The following COL24A1 variants were observed in gnomAD, a reference collection of about 807,000 sequenced individuals.
The protein encoded by COL24A1 is collagen type XXIV alpha 1 chain.
Under a neutral mutation model 253.9 loss-of-function variants are expected in COL24A1, and 224 were observed. The observed-to-expected ratio is 0.88, with a 90% confidence interval of 0.79 to 0.99. The LOEUF (loss-of-function observed/expected upper bound fraction) is 0.99, where lower values mean the gene tolerates loss of function less well. Among genes scored for constraint, COL24A1 ranks in the 50% least tolerant of loss-of-function variants. COL24A1 has a pLI of 0.00. For synonymous variants in COL24A1, 685 were observed against 673.7 expected (o/e 1.02, Z -0.26); for missense variants, 2,131 against 2,068.5 (o/e 1.03, Z -0.59).
At chr1:85,784,717 TTTTG>T (rs1329747454) in intron 48 of COL24A1, among the ~76,000 whole-genome samples, 2 of 151,924 alleles carry the variant, frequency 1.3e-5, no homozygotes, top group African/African-American at 2.4e-5. Flanking sequence ...GGAACTTATA[TTTTG>T]TTTATTTATT....
intron 7 of COL24A1, among the ~76,000 whole-genome samples, chr1:86,075,640 C>T (rs975953862): frequency 4.1e-4 from 63 of 152,204 alleles, no homozygotes; most frequent in African/African-American, 1.5e-3. Context: ...TGCAAAAATA[C>T]TCAAAAAAAT....
chr1:85,789,467 G>T (rs566278298), intron 47 of COL24A1, among the ~76,000 whole-genome samples: 5 of 152,204 alleles, frequency 3.3e-5, no homozygotes, highest in South Asian at 2.1e-4. Flanking sequence ...GGGCTGAAAA[G>T]ATGGGGTTTT....
chr1:85,980,161 A>G (rs1158711439), intron 20 of COL24A1, among the ~76,000 whole-genome samples: 1 of 152,240 alleles, frequency 6.6e-6, no homozygotes, highest in Non-Finnish European at 1.5e-5. Context: ...AACCCTCAGC[A>G]AAACTGGCAT....
At chr1:85,933,076 T>A (rs1687914894) in intron 24 of COL24A1, among the ~76,000 whole-genome samples, 1 of 108,404 alleles carries the variant, frequency 9.2e-6, no homozygotes. Flanking sequence ...ACCCTAAAAC[T>A]TAGAGTATAA....
intron 59 of COL24A1, among the ~76,000 whole-genome samples, chr1:85,732,133 G>A (rs959425858): frequency 4.4e-4 from 67 of 152,280 alleles, no homozygotes; most frequent in African/African-American, 1.4e-3. Context: ...TACCTCACAG[G>A]CTTGCGAGGA....
chr1:85,829,335 T>A (rs1259501827), intron 43 of COL24A1, among the ~76,000 whole-genome samples: 1 of 151,658 alleles, frequency 6.6e-6, no homozygotes, highest in South Asian at 2.1e-4. Context: ...ACCCGACCTT[T>A]CTCTCTGGCT....
intron 47 of COL24A1, among the ~76,000 whole-genome samples, chr1:85,797,143 G>C (rs746922846): frequency 2.2e-4 from 31 of 143,864 alleles, no homozygotes; most frequent in South Asian, 4.5e-4. Context: ...GGAGGTGGAG[G>C]TTGCAGCGAG....
At chr1:85,862,403 C>T (rs1381815508) in intron 37 of COL24A1, among the ~76,000 whole-genome samples, 1 of 138,838 alleles carries the variant, frequency 7.2e-6, no homozygotes, top group Non-Finnish European at 1.6e-5. Flanking sequence ...AGCCTTAGAA[C>T]CTTTACTTCC....
At chr1:86,097,723 A>C (rs1704117348) in intron 5 of COL24A1, among the ~76,000 whole-genome samples, 1 of 149,332 alleles carries the variant, frequency 6.7e-6, no homozygotes. Context: ...ACTCTGGAGT[A>C]CCCCCCATAA....
At chr1:86,080,465 G>C (rs1458188779) in intron 7 of COL24A1, among the ~76,000 whole-genome samples, 3 of 152,110 alleles carry the variant, frequency 2.0e-5, no homozygotes, top group Admixed American at 6.6e-5. Flanking sequence ...CAGGATAAAT[G>C]TTTGTGAGGA....
intron 43 of COL24A1, among the ~76,000 whole-genome samples, chr1:85,824,396 T>C (rs576602113): frequency 1.3e-5 from 2 of 152,348 alleles, no homozygotes; most frequent in Admixed American, 1.3e-4. Flanking sequence ...TAATTTGTTA[T>C]AGCAGCCTCA....
At position 86,156,673 on chromosome 1, in the gene COL24A1, C is replaced by G. The variant is rs1425496871; in HGVS notation, c.-277G>C. ...GGGGAGGGCGGGCGAGGAGGTAAAC[C>G]TCACTGGGAGGCCTCGGGGCGCCGG... On this transcript the variant is annotated 5_prime_UTR_variant, in exon 1 of 60. Coordinates refer to ENST00000370571, the MANE Select transcript of COL24A1 (RefSeq NM_152890.7). The G allele has an allele frequency of 9.6e-6, 3 of 310,930 alleles. No individual in the cohort carries two copies. Among genetic ancestry groups the G allele is most frequent in the African/African-American group, 6.5e-5 (3 of 46,248 alleles). The allele number at this position is 310,930 out of a possible 1,614,324, so 19.3% of individuals were successfully genotyped here.
At chr1:86,040,379 T>C (rs1434953927) in intron 12 of COL24A1, among the ~76,000 whole-genome samples, 1 of 151,642 alleles carries the variant, frequency 6.6e-6, no homozygotes, top group African/African-American at 2.4e-5. Context: ...GTTAGTTACA[T>C]ATGTATACAT....
chr1:85,984,097 A>T (rs550735222), intron 20 of COL24A1, among the ~76,000 whole-genome samples: 10 of 151,846 alleles, frequency 6.6e-5, no homozygotes, highest in Non-Finnish European at 1.2e-4. Flanking sequence ...AGACTAAAAG[A>T]ATTAGTGAGA....
At chr1:86,030,774 T>C (rs1305859729) in intron 14 of COL24A1, among the ~76,000 whole-genome samples, 1 of 151,342 alleles carries the variant, frequency 6.6e-6, no homozygotes, top group Non-Finnish European at 1.5e-5. Flanking sequence ...TTGTTGTTGT[T>C]GTTGTAGCAT....
At chr1:86,002,909 C>G (rs1457055392) in intron 19 of COL24A1, among the ~76,000 whole-genome samples, 1 of 152,172 alleles carries the variant, frequency 6.6e-6, no homozygotes, top group African/African-American at 2.4e-5. Context: ...GAATACTACT[C>G]TAGCCCATAT....
chr1:85,830,523 G>C (rs374298042), intron 43 of COL24A1, among the ~76,000 whole-genome samples: 5 of 152,138 alleles, frequency 3.3e-5, no homozygotes, highest in African/African-American at 9.6e-5. Flanking sequence ...CCCCCAGCCT[G>C]GCTGCCGCCT....
At chr1:86,076,857 G>C (rs1038748852) in intron 7 of COL24A1, among the ~76,000 whole-genome samples, 6 of 152,316 alleles carry the variant, frequency 3.9e-5, no homozygotes, top group African/African-American at 1.4e-4. Context: ...ATGGATTACA[G>C]ACTTAAATGT....
At chr1:85,798,796 T>C (rs955024066) in intron 47 of COL24A1, among the ~76,000 whole-genome samples, 4 of 152,222 alleles carry the variant, frequency 2.6e-5, no homozygotes, top group East Asian at 1.9e-4. Flanking sequence ...AAAGTCAAGA[T>C]TGAAAGGCCT....
Sources: allele counts gnomAD v4.1 joint callset (sites outside exome capture counted in the v4.1 genomes callset), GRCh38; gene constraint gnomAD v4.1.1; transcripts MANE v1.5; gene names NCBI Gene and HGNC (gene_info 2026-07-23, HGNC 2026-07-21).